PAIP1: variants seen among roughly 807,000 people sequenced by gnomAD.
PAIP1 encodes poly(A) binding protein interacting protein 1, also known as polyadenylate-binding protein-interacting protein 1.
In PAIP1, 16 loss-of-function variants were observed where a neutral mutation model predicts 61.3. That is an observed-to-expected ratio of 0.26 (90% confidence interval 0.18 to 0.40). PAIP1 has a LOEUF of 0.40. Among genes scored for constraint, PAIP1 ranks in the 10% least tolerant of loss-of-function variants. The pLI is 1.00. For synonymous variants in PAIP1, 187 were observed against 226.2 expected, an observed-to-expected ratio of 0.83 and a Z score of 1.56; for missense variants, 416 against 600.9, an observed-to-expected ratio of 0.69 and a Z score of 3.22.
chr5:43,549,392 G>T (rs1747771904), intron 2 of PAIP1, among the ~76,000 whole-genome samples: 1 of 152,152 alleles, frequency 6.6e-6, no homozygotes, highest in Admixed American at 6.5e-5. Flanking sequence ...CAGGAGGGAG[G>T]TAACTGAATC....
chr5:43,551,154 G>A (rs532477802), intron 2 of PAIP1, among the ~76,000 whole-genome samples: 6 of 152,130 alleles, frequency 3.9e-5, no homozygotes, highest in African/African-American at 9.7e-5. Context: ...GGGAAAGAGG[G>A]TTTGAACAAG....
rs746364207 is a variant in PAIP1, at chr5:43,527,344, G to A, written c.*32C>T. 2 of 1,542,972 alleles carry A rather than the reference G, an allele frequency of 1.3e-6. No homozygotes were observed. The highest frequency in any genetic ancestry group is 2.0e-5 in the Admixed American group (1 of 50,518). On this transcript the variant is annotated 3_prime_UTR_variant, in exon 11 of 11. Transcript: ENST00000306846. The stretch of plus-strand genomic sequence containing the variant: ...TCTGCTAAATCACCATACCTAAACT[G>A]CTTTATAAAACTGATATGCTGAAAT...
rs751442394 is a variant in PAIP1 at position 43,555,905 on chromosome 5, T to A, written c.360A>T (p.Val120=). 13 of 1,613,930 alleles carry A rather than the reference T, an allele frequency of 8.1e-6. No homozygotes were observed. The highest frequency in any genetic ancestry group is 9.3e-6 in the Non-Finnish European group (11 of 1,179,886). ...ACAGCTTAGACATTAATACAGGAGCTACAACCACCTGGGGCTTAGCCATTG... is the reference window on the plus strand; with the variant it reads ...ACAGCTTAGACATTAATACAGGAGCAACAACCACCTGGGGCTTAGCCATTG... ...ESAMAKPQVV[V]APVLMSKLSV... Residue 120 remains valine, a synonymous_variant, in exon 2 of 11, where the codon GTA becomes GTT. Coordinates refer to ENST00000306846, the MANE Select transcript of PAIP1 (RefSeq NM_006451.5).
chr5:43,538,731 T>C (rs1183003344), intron 5 of PAIP1, among the ~76,000 whole-genome samples, 193 bp downstream of exon 5: 1 of 152,210 alleles, frequency 6.6e-6, no homozygotes, highest in Non-Finnish European at 1.5e-5. Context: ...TAACATTCTG[T>C]CCATGAGTAA....
rs373730839 is a variant in PAIP1, at chr5:43,550,837, C to CAAAAAAAAAAAAAAAAAAA, written c.436-2943_436-2925dup. Among the ~76,000 whole-genome samples the CAAAAAAAAAAAAAAAAAAA allele has an allele frequency of 3.0e-4, 15 of 49,564 alleles. 1 individual carries two copies. Among genetic ancestry groups the CAAAAAAAAAAAAAAAAAAA allele is most frequent in the Non-Finnish European group, 3.3e-4 (10 of 30,542 alleles). 32.5% of individuals were successfully genotyped at this position (49,564 alleles called of 152,430 possible). A position where few individuals can be genotyped will look rare whatever the true frequency, so the allele number is the denominator to read the frequency against. ...CACATTCAGAAGTTGAAATATACTACAAAAAAAAAAAAAAAAAAAAAAGCA... is the reference window on the plus strand; with the variant it reads ...CACATTCAGAAGTTGAAATATACTACAAAAAAAAAAAAAAAAAAAAAAAAAAAAAAAAAAAAAAAAAGCA... On this transcript the variant is annotated intron_variant, in intron 2 of 10. Transcript: ENST00000306846.
At chr5:43,537,880 G>A (rs1292828652) in intron 5 of PAIP1, among the ~76,000 whole-genome samples, 1 of 151,664 alleles carries the variant, frequency 6.6e-6, no homozygotes, top group Non-Finnish European at 1.5e-5. Flanking sequence ...TGTAATCCCA[G>A]CTGCTCAGAA....
rs1000281930 is a variant in PAIP1 at position 43,547,738 on chromosome 5, A to C, written c.611T>G (p.Ile204Ser). ...TATAAGCCAACATACCTGTTGATAG[A>C]TGAGTTCCACAAGTTCTTGCAAAGC... is the stretch of plus-strand genomic sequence containing the variant. ...DDALQELVEL[I>S]YQQATSIPNF... Residue 204 changes from isoleucine to serine, a missense_variant, in exon 3 of 11, where the codon ATC (isoleucine) becomes AGC (serine). Physicochemically the swap from Ile to Ser is moderately radical, Grantham distance 142 (BLOSUM62 -2). Around this residue, in one of 4 missense-constraint regions of PAIP1, gnomAD observed 180 missense variants for 211.2 expected, o/e 0.85. Coordinates refer to ENST00000306846, the MANE Select transcript of PAIP1 (RefSeq NM_006451.5). The C allele has an allele frequency of 2.5e-6, 4 of 1,606,892 alleles. No individual in the cohort carries two copies. The highest frequency in any genetic ancestry group is 3.4e-6 in the Non-Finnish European group (4 of 1,176,976).
At chr5:43,541,543 C>G (rs1005867207) in intron 4 of PAIP1, among the ~76,000 whole-genome samples, 2 of 150,004 alleles carry the variant, frequency 1.3e-5, no homozygotes, top group Admixed American at 1.3e-4. Context: ...AAATGACTAT[C>G]CAGTTATGCT....
intron 10 of PAIP1, among the ~76,000 whole-genome samples, chr5:43,527,783 A>G (rs1746762936): frequency 6.6e-6 from 1 of 152,186 alleles, no homozygotes; most frequent in Admixed American, 6.5e-5. Context: ...CTCAAGATCG[A>G]TATTAATAAA....
intron 2 of PAIP1, among the ~76,000 whole-genome samples, chr5:43,554,047 G>C (rs541887517): frequency 6.6e-6 from 1 of 152,286 alleles, no homozygotes; most frequent in South Asian, 2.1e-4. Context: ...AATCTGTTTT[G>C]GTAAATTGAG....
At chr5:43,550,952 C>T (rs1747845701) in intron 2 of PAIP1, among the ~76,000 whole-genome samples, 1 of 149,726 alleles carries the variant, frequency 6.7e-6, no homozygotes, top group African/African-American at 2.5e-5. Context: ...AAGATATTCT[C>T]TTTCTATGGG....
chr5:43,543,229 A>G (rs1747486321), intron 3 of PAIP1, 113 bp from the exon 4 acceptor site: 2 of 469,602 alleles, frequency 4.3e-6, no homozygotes, highest in Non-Finnish European at 7.7e-6. Flanking sequence ...GACCATATAT[A>G]CAAGTCTTTT....
intron 2 of PAIP1, among the ~76,000 whole-genome samples, chr5:43,553,676 T>C (rs1169987392): frequency 3.3e-5 from 5 of 152,182 alleles, no homozygotes; most frequent in Non-Finnish European, 7.4e-5. Flanking sequence ...CTCTTAGCCT[T>C]AACTATGGGT....
At chr5:43,544,752 A>G (rs775212904) in intron 3 of PAIP1, among the ~76,000 whole-genome samples, 19 of 152,218 alleles carry the variant, frequency 1.2e-4, no homozygotes, top group Non-Finnish European at 2.5e-4. Context: ...TGTACAACAC[A>G]TAATTTATTC....
chr5:43,548,051 T>A (rs75768198), intron 2 of PAIP1, 138 bp from the exon 3 acceptor site: 2 of 581,866 alleles, frequency 3.4e-6, no homozygotes, highest in Non-Finnish European at 6.0e-6. Flanking sequence ...AAATTGTCAA[T>A]TGAGCTATTT....
intron 2 of PAIP1, among the ~76,000 whole-genome samples, chr5:43,553,631 C>T (rs914525575): frequency 1.3e-5 from 2 of 152,184 alleles, no homozygotes; most frequent in African/African-American, 4.8e-5. Flanking sequence ...AAAAAGGATC[C>T]TGCTGTTCTA....
At chr5:43,544,486 T>G (rs180798072) in intron 3 of PAIP1, among the ~76,000 whole-genome samples, 6 of 152,336 alleles carry the variant, frequency 3.9e-5, no homozygotes, top group Admixed American at 3.9e-4. Context: ...GGCTTGTCAT[T>G]CAACAGTTTC....
chr5:43,539,615 G>A (rs570270288), intron 4 of PAIP1, among the ~76,000 whole-genome samples: 2 of 152,108 alleles, frequency 1.3e-5, no homozygotes, highest in South Asian at 2.1e-4. Context: ...AGAAAGCACC[G>A]GACTTGTTTT....
At chr5:43,539,097 A>G in intron 4 of PAIP1, 62 bp from the exon 5 acceptor site, 1 of 1,077,014 alleles carries the variant, frequency 9.3e-7, no homozygotes, top group Admixed American at 1.7e-5. Flanking sequence ...GTCAAACAAA[A>G]TAACCATTTG....
Sources: allele counts gnomAD v4.1 joint callset (sites outside exome capture counted in the v4.1 genomes callset), GRCh38; gene constraint gnomAD v4.1.1; regional missense constraint gnomAD v4.1.1; transcripts MANE v1.5; gene names NCBI Gene and HGNC (gene_info 2026-07-23, HGNC 2026-07-21).